NRXN3: variants seen among roughly 807,000 people sequenced by gnomAD.
The protein encoded by NRXN3 is neurexin 3.
NRXN3 carries 32 observed loss-of-function variants against 137.6 expected under a neutral mutation model. The ratio of observed to expected loss-of-function variants is 0.23; its 90% CI spans 0.18 to 0.31. NRXN3 has a LOEUF of 0.31. Among genes scored for constraint, NRXN3 ranks in the 10% least tolerant of loss-of-function variants. The pLI is 1.00. For missense variants in NRXN3, 1,574 were observed against 2,062.5 expected, an observed-to-expected ratio of 0.76 and a Z score of 4.59; for synonymous variants, 798 against 784.5, an observed-to-expected ratio of 1.02 and a Z score of -0.29.
intron 10 of NRXN3, among the ~76,000 whole-genome samples, chr14:78,864,829 A>C (rs2099082491): frequency 6.6e-6 from 1 of 152,104 alleles, no homozygotes; most frequent in South Asian, 2.1e-4. Flanking sequence ...AAACTTAGCA[A>C]GGCCTATTGT....
intron 2 of NRXN3, among the ~76,000 whole-genome samples, chr14:78,252,477 G>A (rs1467023206): frequency 1.3e-5 from 2 of 152,030 alleles, no homozygotes; most frequent in South Asian, 4.2e-4. Flanking sequence ...ATTTAAGTAC[G>A]GTGTCTTTGT....
At chr14:78,889,808 C>T (rs1207228388) in intron 10 of NRXN3, among the ~76,000 whole-genome samples, 2 of 151,952 alleles carry the variant, frequency 1.3e-5, no homozygotes, top group Non-Finnish European at 2.9e-5. Context: ...TTCCCAGAAC[C>T]TGTGACGTGA....
chr14:78,761,761 CT>C (rs1274748830), intron 8 of NRXN3, among the ~76,000 whole-genome samples: 1 of 152,122 alleles, frequency 6.6e-6, no homozygotes, highest in Non-Finnish European at 1.5e-5. Context: ...GGAAGAGCTG[CT>C]TTTCATGAGT....
chr14:78,961,141 A>G (rs1317157742), intron 11 of NRXN3, among the ~76,000 whole-genome samples: 3 of 152,036 alleles, frequency 2.0e-5, no homozygotes, highest in East Asian at 3.9e-4. Context: ...CTAGGGAATT[A>G]TGGGCAAAAT....
chr14:79,794,382 A>ACAAG (rs1162128576), intron 19 of NRXN3, among the ~76,000 whole-genome samples: 1 of 151,656 alleles, frequency 6.6e-6, no homozygotes. Flanking sequence ...AAACAAACAA[A>ACAAG]CAAACAAAAA....
At chr14:79,391,714 A>ATT (rs1171726641) in intron 15 of NRXN3, among the ~76,000 whole-genome samples, 1 of 152,200 alleles carries the variant, frequency 6.6e-6, no homozygotes, top group Admixed American at 6.5e-5. Context: ...ATTAATGAGA[A>ATT]TTACACAGAT....
intron 15 of NRXN3, among the ~76,000 whole-genome samples, chr14:79,049,969 A>AGAATTTCT (rs1248864277): frequency 6.6e-6 from 1 of 152,192 alleles, no homozygotes; most frequent in African/African-American, 2.4e-5. Flanking sequence ...TTCTTCCACC[A>AGAATTTCT]GAATTTCTGT....
chr14:78,497,190 T>C (rs1272775431), intron 4 of NRXN3, among the ~76,000 whole-genome samples: 1 of 152,134 alleles, frequency 6.6e-6, no homozygotes. Context: ...CAAGGGTATG[T>C]GGTGCCTAGG....
intron 19 of NRXN3, among the ~76,000 whole-genome samples, chr14:79,712,129 A>G (rs577551395): frequency 7.9e-5 from 12 of 152,342 alleles, no homozygotes; most frequent in African/African-American, 2.9e-4. Flanking sequence ...GAAAAACAGT[A>G]GTATCTTTCT....
intron 10 of NRXN3, among the ~76,000 whole-genome samples, chr14:78,897,716 C>T (rs563612739): frequency 5.3e-5 from 8 of 151,974 alleles, no homozygotes; most frequent in Admixed American, 1.3e-4. Flanking sequence ...CCAAGTAATG[C>T]GTAGGGAGCT....
chr14:79,669,169 G>A (rs924145408), intron 17 of NRXN3: 7 of 152,056 alleles, frequency 4.6e-5, no homozygotes, highest in Non-Finnish European at 5.9e-5. Context: ...CAGGACTAGC[G>A]TTGCTTTCAG....
At chr14:79,319,593 T>G (rs547988286) in intron 15 of NRXN3, among the ~76,000 whole-genome samples, 1 of 152,206 alleles carries the variant, frequency 6.6e-6, no homozygotes, top group Non-Finnish European at 1.5e-5. Flanking sequence ...TGTGTTCCAA[T>G]TAGGAAGACA....
At chr14:79,524,308 A>T (rs2097098009) in intron 16 of NRXN3, among the ~76,000 whole-genome samples, 1 of 152,184 alleles carries the variant, frequency 6.6e-6, no homozygotes, top group Non-Finnish European at 1.5e-5. Flanking sequence ...CTCCAGAACT[A>T]TACAATCTTT....
intron 15 of NRXN3, among the ~76,000 whole-genome samples, chr14:79,287,612 AG>A (rs2082488439): frequency 6.6e-6 from 1 of 152,148 alleles, no homozygotes; most frequent in South Asian, 2.1e-4. Flanking sequence ...TAGGGCTCAA[AG>A]TTTGTAGAGC....
At position 78,648,181 on chromosome 14, in the gene NRXN3, G is replaced by A. The variant is rs8003954; in HGVS notation, c.1059+2760G>A. Among the ~76,000 whole-genome samples, 601 of 152,302 alleles carry A rather than the reference G, an allele frequency of 3.9e-3. 6 individuals carry two copies. The highest frequency in any genetic ancestry group is 0.013 in the African/African-American group (548 of 41,560). On this transcript the variant is annotated intron_variant, in intron 5 of 20. Transcript: ENST00000335750. The stretch of plus-strand genomic sequence containing the variant: ...TATTGCAAACTATAACTGGGATTAG[G>A]GACCAAGGTAGTGAGGAATTTGTGT...
chr14:79,492,841 G>A (rs1678942238), intron 16 of NRXN3, among the ~76,000 whole-genome samples: 1 of 151,944 alleles, frequency 6.6e-6, no homozygotes, highest in African/African-American at 2.4e-5. Context: ...CTCTGACATC[G>A]TCAATTCTAC....
intron 15 of NRXN3, among the ~76,000 whole-genome samples, chr14:79,239,838 A>G (rs7155153): frequency 1 from 151,799 of 152,312 alleles, 75,648 homozygotes; most frequent in Middle Eastern, 1. Flanking sequence ...TAAACAAGAA[A>G]GAATTTCTGC....
chr14:78,456,649 C>A (rs1026884709), intron 4 of NRXN3, among the ~76,000 whole-genome samples: 6 of 152,102 alleles, frequency 3.9e-5, no homozygotes, highest in Non-Finnish European at 8.8e-5. Flanking sequence ...CTTCCACTGT[C>A]CTAAATCTCA....
chr14:78,284,400 C>T (rs2074876791), intron 3 of NRXN3, among the ~76,000 whole-genome samples: 1 of 152,100 alleles, frequency 6.6e-6, no homozygotes, highest in East Asian at 1.9e-4. Context: ...TCTCATGTCT[C>T]CCTAATATAT....
Sources: allele counts gnomAD v4.1 joint callset (sites outside exome capture counted in the v4.1 genomes callset), GRCh38; gene constraint gnomAD v4.1.1; transcripts MANE v1.5; gene names NCBI Gene and HGNC (gene_info 2026-07-23, HGNC 2026-07-21).